The following NCAPD3 variants were observed in gnomAD, a reference collection of about 807,000 sequenced individuals.
The protein encoded by NCAPD3 is condensin-2 complex subunit D3.
NCAPD3 carries 105 observed loss-of-function variants against 182.9 expected under a neutral mutation model. The observed-to-expected ratio is 0.57, with a 90% CI of 0.49 to 0.68. The LOEUF (loss-of-function observed/expected upper bound fraction) is 0.68. NCAPD3 is among the 30% of genes least tolerant of loss of function. The pLI, the probability that NCAPD3 is intolerant of heterozygous loss-of-function variation, is 0.00. For missense variants in NCAPD3, 1,944 were observed against 1,837.0 expected (o/e 1.06, Z -1.07); for synonymous variants, 815 against 679.9 (o/e 1.20, Z -3.09).
At chr11:134,212,364 T>G (rs1238514856) in intron 3 of NCAPD3, among the ~76,000 whole-genome samples, 1 of 143,288 alleles carries the variant, frequency 7.0e-6, no homozygotes, top group Non-Finnish European at 1.5e-5. Flanking sequence ...GAAAATATAC[T>G]TTTTGTTGTT....
intron 27 of NCAPD3, among the ~76,000 whole-genome samples, chr11:134,165,882 A>G (rs1943771407): frequency 8.5e-6 from 1 of 118,050 alleles, no homozygotes; most frequent in Non-Finnish European, 1.7e-5. Context: ...CACTAGTGAG[A>G]TGAGCTTGGG....
chr11:134,184,832 C>T (rs1351966304), intron 18 of NCAPD3, 71 bp downstream of exon 18: 16 of 1,365,248 alleles, frequency 1.2e-5, no homozygotes, highest in East Asian at 9.2e-5. Flanking sequence ...CACACACACA[C>T]ACACACACAC....
intron 24 of NCAPD3, among the ~76,000 whole-genome samples, chr11:134,174,984 T>A (rs1944124044): frequency 1.3e-5 from 2 of 152,204 alleles, no homozygotes; most frequent in South Asian, 4.1e-4. Context: ...GAACCATGGT[T>A]TCAACAAACC....
intron 2 of NCAPD3, among the ~76,000 whole-genome samples, chr11:134,217,678 GTTATT>G (rs1565559772): frequency 1.3e-5 from 2 of 152,118 alleles, no homozygotes; most frequent in Non-Finnish European, 2.9e-5. Flanking sequence ...GAAGAAATGG[GTTATT>G]TTAATAACCT....
intron 22 of NCAPD3, chr11:134,177,693 C>A (rs1038067046): frequency 3.9e-6 from 2 of 517,710 alleles, no homozygotes; most frequent in African/African-American, 1.9e-5. Flanking sequence ...TGTTCCTTTA[C>A]ACTAATAAAA....
intron 29 of NCAPD3, 101 bp downstream of exon 29, chr11:134,159,791 C>G (rs1255666053): frequency 1.5e-6 from 2 of 1,314,378 alleles, no homozygotes; most frequent in African/African-American, 2.9e-5. Flanking sequence ...GCTGACTAAC[C>G]TCTGATGACG....
upstream of NCAPD3, chr11:134,225,046 C>T (rs933051791): frequency 4.9e-6 from 7 of 1,414,570 alleles, no homozygotes; most frequent in African/African-American, 1.0e-4. Flanking sequence ...GGCCCTCTGG[C>T]CTTCTTTACC....
In NCAPD3 at chr11:134,168,197, TGA is replaced by T. The variant is rs1445905353; in HGVS notation, c.3374-4_3374-3del. ...GTAGGATGCCATCAGCAAAGCACGCTGAGAGACAGAGAGAGAGAAAAACGTGA... is the reference window on the plus strand; with the variant it reads ...GTAGGATGCCATCAGCAAAGCACGCTGAGACAGAGAGAGAGAAAAACGTGA... On this transcript the variant is annotated splice_region_variant and splice_polypyrimidine_tract_variant and intron_variant, in intron 26 of 34. Coordinates refer to ENST00000534548, the MANE Select transcript of NCAPD3 (RefSeq NM_015261.3). 1 of 1,613,434 alleles carries T rather than the reference TGA, an allele frequency of 6.2e-7. No homozygotes were observed. Among genetic ancestry groups the T allele is most frequent in the Non-Finnish European group, 8.5e-7 (1 of 1,179,416 alleles).
chr11:134,158,126 G>A, intron 30 of NCAPD3, 59 bp from the exon 31 acceptor site: 1 of 1,580,536 alleles, frequency 6.3e-7, no homozygotes, highest in Non-Finnish European at 8.6e-7. Flanking sequence ...AGAGGTGACA[G>A]TGCTGCACTG....
In NCAPD3 at chr11:134,210,565, A is replaced by G; in HGVS notation, c.383-111T>C. On this transcript the variant is annotated intron_variant, in intron 3 of 34. Coordinates refer to ENST00000534548, the MANE Select transcript of NCAPD3 (RefSeq NM_015261.3). ...AAACACAGGCTTTTCATGACTGTGAATAACAATGAACCTGTAGCAAGAGTA... is the reference window on the plus strand; with the variant it reads ...AAACACAGGCTTTTCATGACTGTGAGTAACAATGAACCTGTAGCAAGAGTA... 1.4e-5 allele frequency: 13 copies of G among 941,148 alleles called. No homozygotes were observed. The South Asian group carries it at 2.2e-4, about 16-fold the overall frequency. 58.3% of individuals were successfully genotyped at this position (941,148 alleles called of 1,614,324 possible).
At chr11:134,207,331 G>T (rs1937638147) in intron 7 of NCAPD3, among the ~76,000 whole-genome samples, 1 of 151,984 alleles carries the variant, frequency 6.6e-6, no homozygotes, top group African/African-American at 2.4e-5. Flanking sequence ...AGCAGGACAT[G>T]TATAATTTCC....
At chr11:134,218,346 A>T (rs181190606) in intron 2 of NCAPD3, among the ~76,000 whole-genome samples, 105 of 152,014 alleles carry the variant, frequency 6.9e-4, no homozygotes, top group African/African-American at 2.5e-3. Flanking sequence ...ACCCCGTCCA[A>T]TCAGCTCTCC....
intron 4 of NCAPD3, chr11:134,209,693 T>A (rs948781480): frequency 3.0e-5 from 14 of 471,076 alleles, no homozygotes; most frequent in Non-Finnish European, 4.8e-5. Flanking sequence ...TCTAGTTTTG[T>A]GTCAATGAGG....
At chr11:134,156,184 G>T (rs946007949) in intron 32 of NCAPD3, among the ~76,000 whole-genome samples, 3 of 152,192 alleles carry the variant, frequency 2.0e-5, no homozygotes, top group Non-Finnish European at 4.4e-5. Flanking sequence ...TGCCCTCCCA[G>T]AAGTCTCCGG....
In NCAPD3 at chr11:134,192,773, T is replaced by G; in HGVS notation, c.1961A>C (p.His654Pro). The G allele has an allele frequency of 1.2e-6, 2 of 1,614,244 alleles. No individual in the cohort carries two copies. The highest frequency in any genetic ancestry group is 1.6e-4 in the Middle Eastern group (1 of 6,062). The change falls in exon 16 of 35, where the codon CAC becomes CCC. Residue 654 changes from histidine to proline, a missense_variant. Physicochemically the swap from His to Pro is moderately conservative, Grantham distance 77. Coordinates refer to ENST00000534548, the MANE Select transcript of NCAPD3 (RefSeq NM_015261.3). ...GTCGTCCCCAGAGTGAAAATGACTG[T>G]GATGCCGGATGTTCTGCAGCAGCAG... ...DQLLLQNIRH[H>P]SHFHSGDDSQ...
chr11:134,179,578 C>G (rs763295144), intron 20 of NCAPD3, among the ~76,000 whole-genome samples: 17 of 152,294 alleles, frequency 1.1e-4, no homozygotes, highest in Admixed American at 3.9e-4. Context: ...CCTGTGTATC[C>G]TTAGATACTG....
chr11:134,204,841 A>T lies in NCAPD3; in HGVS notation c.1089+58T>A, dbSNP rs1449385764. ...CCCACACTCACACACACACACACAC[A>T]TTTATCTTCACACACGATATACTTC... On this transcript the variant is annotated intron_variant, in intron 9 of 34. Transcript: ENST00000534548. This position sits in a 1 kb window ranked among gnomAD's most constrained non-coding sequence, Gnocchi z 4.3. 1 of 1,391,532 alleles carries T rather than the reference A, an allele frequency of 7.2e-7. No homozygotes were observed. The highest frequency in any genetic ancestry group is 2.3e-5 in the East Asian group (1 of 43,498). 86.2% of individuals were successfully genotyped at this position (1,391,532 alleles called of 1,614,324 possible).
chr11:134,187,088 A>G (rs1944424037), intron 16 of NCAPD3, among the ~76,000 whole-genome samples: 1 of 152,144 alleles, frequency 6.6e-6, no homozygotes, highest in Non-Finnish European at 1.5e-5. Context: ...CTCCACTCCC[A>G]GCCAGCCTCC....
At chr11:134,157,811 A>T in intron 31 of NCAPD3, 117 bp downstream of exon 31, 1 of 1,155,058 alleles carries the variant, frequency 8.7e-7, no homozygotes, top group Non-Finnish European at 1.2e-6. Context: ...AGCCCAATTA[A>T]CGTTATTTGT....
Sources: gnomAD v4.1 joint callset for allele counts (sites outside exome capture counted in the v4.1 genomes callset) on GRCh38, gnomAD v4.1.1 for gene constraint, Gnocchi (gnomAD v3.1) non-coding constraint, MANE v1.5 for transcripts, NCBI Gene and HGNC (gene_info 2026-07-23, HGNC 2026-07-21) for gene names.